Variants in SNRPD3 observed in about 807,000 individuals in gnomAD.
The protein encoded by SNRPD3 is small nuclear ribonucleoprotein Sm D3.
For synonymous variants in SNRPD3, 66 were observed against 58.4 expected, an observed-to-expected ratio of 1.13 and a Z score of -0.59; for missense variants, 73 against 167.5, an observed-to-expected ratio of 0.44 and a Z score of 3.11.
chr22:24,556,308 C>T (rs2045062043), intron 1 of SNRPD3, among the ~76,000 whole-genome samples: 1 of 152,112 alleles, frequency 6.6e-6, no homozygotes, highest in African/African-American at 2.4e-5. Flanking sequence ...TCAAAGCTTC[C>T]AGGCAGTAAT....
Position 24,573,575 on chromosome 22 carries a change from G to T in SNRPD3, c.*1598G>T, listed in dbSNP as rs575020922. Among the ~76,000 whole-genome samples the T allele has an allele frequency of 6.6e-6, 1 of 152,136 alleles. No individual in the cohort carries two copies. The highest frequency in any genetic ancestry group is 2.4e-5 in the African/African-American group (1 of 41,424). On this transcript the variant is annotated 3_prime_UTR_variant, in exon 4 of 4. Transcript: ENST00000215829. ...AGTGAGTTGGTCAGATACAATAGAC[G>T]TTTAAAATAGGGCTTCAGGCCAAAC...
intron 2 of SNRPD3, among the ~76,000 whole-genome samples, chr22:24,561,092 GA>G (rs1410185680): frequency 6.5e-5 from 4 of 61,654 alleles, no homozygotes; most frequent in Admixed American, 3.6e-4. Flanking sequence ...TTTTTTTTGA[GA>G]TTAAGCTTTG....
chr22:24,565,784 C>A (rs2045191900), intron 2 of SNRPD3, among the ~76,000 whole-genome samples: 1 of 152,142 alleles, frequency 6.6e-6, no homozygotes, highest in Non-Finnish European at 1.5e-5. Flanking sequence ...CCTCAGCCTC[C>A]CGAGTAGGTG....
Position 24,574,371 on chromosome 22 carries a change from C to T in SNRPD3, c.*2394C>T, listed in dbSNP as rs1342923234. On this transcript the variant is annotated 3_prime_UTR_variant, in exon 4 of 4. Coordinates refer to ENST00000215829, the MANE Select transcript of SNRPD3 (RefSeq NM_004175.5). ...TCTTAGGGGGGAAAATCAGTTGACG[C>T]AGATTGAAAACAAGTTGTTCCATAA... Among the ~76,000 whole-genome samples, 1 of 152,160 alleles carries T rather than the reference C, an allele frequency of 6.6e-6. No individual in the cohort carries two copies. The highest frequency in any genetic ancestry group is 1.5e-5 in the Non-Finnish European group (1 of 68,018).
chr22:24,557,751 A>G lies in SNRPD3; in HGVS notation c.77A>G (p.Glu26Gly). ...HIVTCETNTG[E>G]VYRGKLIEAE... ...GTGACATGTGAGACGAACACCGGTG[A>G]GGTATATCGGGGGAAGCTCATTGAA... Residue 26 changes from glutamate (E) to glycine (G), a missense_variant, in exon 2 of 4, where the codon GAG (glutamate) becomes GGG (glycine). Physicochemically the swap from Glu to Gly is moderately conservative, Grantham distance 98 (BLOSUM62 -2). Coordinates refer to ENST00000215829, the MANE Select transcript of SNRPD3 (RefSeq NM_004175.5). 1.2e-6 allele frequency: 2 copies of G among 1,611,728 alleles called. No individual in the cohort carries two copies. The highest frequency in any genetic ancestry group is 2.2e-5 in the South Asian group (2 of 90,548).
intron 2 of SNRPD3, among the ~76,000 whole-genome samples, chr22:24,563,179 G>A (rs937218037): frequency 6.6e-6 from 1 of 151,120 alleles, no homozygotes; most frequent in Non-Finnish European, 1.5e-5. Context: ...ACCACCCTGG[G>A]CAACACAGTG....
intron 2 of SNRPD3, among the ~76,000 whole-genome samples, chr22:24,563,206 A>ATGTGTGTGTGTGTGTGTGTGTG (rs1177387267): frequency 1.9e-5 from 2 of 106,260 alleles, no homozygotes; most frequent in African/African-American, 5.6e-5. Context: ...TGTCTCATAT[A>ATGTGTGTGTGTGTGTGTGTGTG]TGTGTGTGTG....
intron 2 of SNRPD3, among the ~76,000 whole-genome samples, chr22:24,563,308 T>TATA (rs1258332906): frequency 2.3e-4 from 29 of 124,894 alleles, no homozygotes; most frequent in Middle Eastern, 3.9e-3. Flanking sequence ...ATATATATAT[T>TATA]TTTTTTTTTA....
rs544493630 is a variant in SNRPD3, at chr22:24,574,515, A to C, written c.*2538A>C. On this transcript the variant is annotated 3_prime_UTR_variant, in exon 4 of 4. Transcript: ENST00000215829. ...GTATTTACCTCCATGTCTCAATATG[A>C]ACATGTTTTCATGACTATTCCTTGA... is the stretch of plus-strand genomic sequence containing the variant. Among the ~76,000 whole-genome samples, 248 of 152,202 alleles carry C rather than the reference A, an allele frequency of 1.6e-3. No homozygotes were observed. Among genetic ancestry groups the C allele is most frequent in the Non-Finnish European group, 2.7e-3 (187 of 68,008 alleles).
At chr22:24,568,399 T>C (rs573149884) in intron 3 of SNRPD3, among the ~76,000 whole-genome samples, 14 of 152,226 alleles carry the variant, frequency 9.2e-5, no homozygotes, top group African/African-American at 3.1e-4. Context: ...TGGAGTGCGA[T>C]GGTGTGATCT....
At chr22:24,556,883 C>G (rs1212220862) in intron 1 of SNRPD3, among the ~76,000 whole-genome samples, 1 of 152,224 alleles carries the variant, frequency 6.6e-6, no homozygotes, top group Non-Finnish European at 1.5e-5. Context: ...CTGCTTGATG[C>G]TTTTGATTAG....
intron 1 of SNRPD3, among the ~76,000 whole-genome samples, chr22:24,557,416 C>A (rs1254520338): frequency 6.6e-6 from 1 of 152,100 alleles, no homozygotes; most frequent in African/African-American, 2.4e-5. Context: ...GCTCTCTTTT[C>A]ATTCCTAGTT....
chr22:24,561,434 A>G (rs1454765869), intron 2 of SNRPD3, among the ~76,000 whole-genome samples: 1 of 152,138 alleles, frequency 6.6e-6, no homozygotes, highest in Non-Finnish European at 1.5e-5. Context: ...TTAGGACTTC[A>G]ACAATGAATT....
At chr22:24,562,312 C>A (rs1239330891) in intron 2 of SNRPD3, among the ~76,000 whole-genome samples, 2 of 152,152 alleles carry the variant, frequency 1.3e-5, no homozygotes. Context: ...GAGGCTGAGG[C>A]GGGCAGATCA....
chr22:24,560,956 C>G (rs539447681), intron 2 of SNRPD3, among the ~76,000 whole-genome samples: 10 of 150,736 alleles, frequency 6.6e-5, no homozygotes, highest in Middle Eastern at 3.5e-3. Context: ...CCAGGCTGGT[C>G]TCTAACTCCT....
Position 24,556,078 on chromosome 22 carries a change from C to G in SNRPD3, c.-19+7C>G, listed in dbSNP as rs1478488937. 1 of 591,926 alleles carries G rather than the reference C, an allele frequency of 1.7e-6. No individual in the cohort carries two copies. Among genetic ancestry groups the G allele is most frequent in the Non-Finnish European group, 3.0e-6 (1 of 333,498 alleles). 36.7% of individuals were successfully genotyped at this position (591,926 alleles called of 1,614,324 possible). On this transcript the variant is annotated splice_region_variant and intron_variant, in intron 1 of 3. Transcript: ENST00000215829. ...GAAAAGTAGGCCAGAGCCGGTGAGG[C>G]TGGGGACGGGCGAGGGGAGGTCGAG...
At chr22:24,569,533 GCAGT>G (rs1378365999) in intron 3 of SNRPD3, among the ~76,000 whole-genome samples, 1 of 152,180 alleles carries the variant, frequency 6.6e-6, no homozygotes. Context: ...GACCAAGCAA[GCAGT>G]CAGTTCTGCA....
chr22:24,570,964 G>A (rs761274216), intron 3 of SNRPD3, among the ~76,000 whole-genome samples: 1 of 151,814 alleles, frequency 6.6e-6, no homozygotes, highest in African/African-American at 2.4e-5. Context: ...GATTACAGGC[G>A]CATACCACCA....
chr22:24,559,330 A>G (rs139276190), intron 2 of SNRPD3, among the ~76,000 whole-genome samples: 18 of 152,178 alleles, frequency 1.2e-4, no homozygotes, highest in South Asian at 2.1e-4. Flanking sequence ...TTGAGGGTAG[A>G]TAAGTTTATC....
Sources: gnomAD v4.1 joint callset for allele counts (sites outside exome capture counted in the v4.1 genomes callset) on GRCh38, gnomAD v4.1.1 for gene constraint, MANE v1.5 for transcripts, NCBI Gene and HGNC (gene_info 2026-07-23, HGNC 2026-07-21) for gene names.